The following PPFIBP1 variants were observed in gnomAD, a reference collection of about 807,000 sequenced individuals.
PPFIBP1 encodes liprin-beta-1.
Under a neutral mutation model 137.8 loss-of-function variants are expected in PPFIBP1, and 112 were observed. That is an observed-to-expected ratio of 0.81 (90% CI 0.70 to 0.95). PPFIBP1 has a LOEUF of 0.95. Ranked by LOEUF, PPFIBP1 falls within the 40% of genes least tolerant of loss-of-function variation. The pLI, the probability that PPFIBP1 is intolerant of heterozygous loss-of-function variation, is 0.00. For missense variants in PPFIBP1, 1,083 were observed against 1,196.6 expected, an observed-to-expected ratio of 0.91 and a Z score of 1.40; for synonymous variants, 378 against 417.3, an observed-to-expected ratio of 0.91 and a Z score of 1.15.
At chr12:27,690,253 C>G (rs1427541934) in intron 27 of PPFIBP1, among the ~76,000 whole-genome samples, 2 of 151,974 alleles carry the variant, frequency 1.3e-5, no homozygotes. Flanking sequence ...TACACGGGTA[C>G]TGCTGGACTT....
In PPFIBP1 at chr12:27,532,409, A is replaced by G. The variant is rs116092480; in HGVS notation, c.-124+8044A>G. 6.9e-3 allele frequency among the ~76,000 whole-genome samples: 1,044 copies of G among 152,286 alleles called. 14 individuals are homozygous for G. Among genetic ancestry groups the G allele is most frequent in the African/African-American group, 0.024 (984 of 41,552 alleles). ...TGGTTTACATTTGTCAGTGCATGAA[A>G]AACTGCCAAGTGGGATGGCTTATGG... On this transcript the variant is annotated intron_variant, in intron 1 of 29. Transcript: ENST00000228425.
At chr12:27,655,031 C>T in intron 8 of PPFIBP1, 6 of 1,037,066 alleles carry the variant, frequency 5.8e-6, no homozygotes, top group Non-Finnish European at 8.4e-6. Flanking sequence ...CATAACCTGC[C>T]CTTTCTCTGA....
chr12:27,552,039 T>C (rs966318733), intron 1 of PPFIBP1, among the ~76,000 whole-genome samples: 1 of 152,120 alleles, frequency 6.6e-6, no homozygotes, highest in African/African-American at 2.4e-5. Flanking sequence ...GGGGGATGGG[T>C]TAGATATTCC....
rs572928355 is a variant in PPFIBP1 at position 27,553,941 on chromosome 12, T to C, written c.-123-24211T>C. On this transcript the variant is annotated intron_variant, in intron 1 of 29. Transcript: ENST00000228425. ...AAAGAAGCAGTTTATAAGCAACTCT[T>C]GCTAAGTGCCTTGGGTAAACCTGCT... Among the ~76,000 whole-genome samples the C allele has an allele frequency of 2.3e-4, 35 of 152,370 alleles. 1 individual carries two copies. In the South Asian group the frequency reaches 3.7e-3, roughly 16 times the overall value.
rs184271417 is a variant in PPFIBP1, at chr12:27,648,198, G to C, written c.471+356G>C. Among the ~76,000 whole-genome samples, 57 of 152,124 alleles carry C rather than the reference G, an allele frequency of 3.7e-4. No individual in the cohort carries two copies. The East Asian group carries it at 9.8e-3, about 26-fold the overall frequency. ...TAAAAATGGGTAAAATATTTGAATA[G>C]ACATTTCTCAAAAGAAGACATACAA... On this transcript the variant is annotated intron_variant, in intron 6 of 29. Coordinates refer to ENST00000228425, the MANE Select transcript of PPFIBP1 (RefSeq NM_003622.4).
intron 2 of PPFIBP1, among the ~76,000 whole-genome samples, chr12:27,590,287 G>T (rs781477015): frequency 6.6e-6 from 1 of 151,676 alleles, no homozygotes; most frequent in Non-Finnish European, 1.5e-5. Flanking sequence ...ATGATCCTCC[G>T]GCCTCAGCCT....
At chr12:27,639,505 G>A (rs959411748) in intron 4 of PPFIBP1, among the ~76,000 whole-genome samples, 14 of 152,186 alleles carry the variant, frequency 9.2e-5, no homozygotes, top group African/African-American at 3.1e-4. Context: ...ATCAGGTGGT[G>A]AAATCCCGAA....
In PPFIBP1 at chr12:27,682,500, TAAG is replaced by T. The variant is rs759233067; in HGVS notation, c.2158+6_2158+8del. On this transcript the variant is annotated splice_donor_5th_base_variant and intron_variant, in intron 23 of 29. Coordinates refer to ENST00000228425, the MANE Select transcript of PPFIBP1 (RefSeq NM_003622.4). ...AGCTGGATTTCAACTGGGTCACTAG[TAAG>T]AAGTTTTTATTCTAACAAAATGAAA... 8 of 1,610,604 alleles carry T rather than the reference TAAG, an allele frequency of 5.0e-6. No homozygotes were observed. Among genetic ancestry groups the T allele is most frequent in the Non-Finnish European group, 6.8e-6 (8 of 1,177,290 alleles).
chr12:27,640,674 G>A (rs1387838255), intron 4 of PPFIBP1, among the ~76,000 whole-genome samples: 4 of 151,764 alleles, frequency 2.6e-5, no homozygotes, highest in Admixed American at 6.6e-5. Context: ...TACTGCCACT[G>A]CCTGGTTGCT....
intron 2 of PPFIBP1, among the ~76,000 whole-genome samples, chr12:27,622,930 C>T (rs2056468136): frequency 1.3e-5 from 2 of 152,168 alleles, no homozygotes; most frequent in African/African-American, 2.4e-5. Flanking sequence ...TTTTAGGAGT[C>T]GTGACCCATG....
chr12:27,646,834 G>T (rs1300771475), intron 5 of PPFIBP1, among the ~76,000 whole-genome samples: 1 of 152,122 alleles, frequency 6.6e-6, no homozygotes, highest in Non-Finnish European at 1.5e-5. Context: ...ACTGAGTGAT[G>T]ATTATTGAGG....
intron 2 of PPFIBP1, among the ~76,000 whole-genome samples, chr12:27,624,568 A>G (rs927911157): frequency 6.6e-6 from 1 of 152,086 alleles, no homozygotes; most frequent in African/African-American, 2.4e-5. Context: ...ACCTCATCCT[A>G]TTTTCCCTTG....
intron 1 of PPFIBP1, among the ~76,000 whole-genome samples, chr12:27,576,659 G>A (rs537437946): frequency 6.6e-6 from 1 of 152,266 alleles, no homozygotes; most frequent in Non-Finnish European, 1.5e-5. Flanking sequence ...GACAGGTGGC[G>A]GTTGGATTTT....
chr12:27,605,861 T>C (rs1406747401), intron 2 of PPFIBP1, among the ~76,000 whole-genome samples: 1 of 152,182 alleles, frequency 6.6e-6, no homozygotes, highest in Non-Finnish European at 1.5e-5. Context: ...TCCATCCTTA[T>C]ATTAAAATTA....
intron 13 of PPFIBP1, among the ~76,000 whole-genome samples, chr12:27,667,668 ACT>A (rs1463604640): frequency 7.9e-5 from 12 of 152,246 alleles, no homozygotes; most frequent in African/African-American, 2.6e-4. Flanking sequence ...TTTGCTGATG[ACT>A]CTGCACTTTA....
intron 11 of PPFIBP1, among the ~76,000 whole-genome samples, chr12:27,661,189 G>A (rs1315208820): frequency 6.6e-6 from 1 of 152,124 alleles, no homozygotes; most frequent in Non-Finnish European, 1.5e-5. Context: ...GATCAGTTCC[G>A]CATATTCACG....
intron 28 of PPFIBP1, among the ~76,000 whole-genome samples, chr12:27,692,334 C>A (rs753911388): frequency 6.6e-6 from 1 of 152,130 alleles, no homozygotes; most frequent in African/African-American, 2.4e-5. Flanking sequence ...GTCGTGGGAC[C>A]GCATATTTCC....
intron 2 of PPFIBP1, among the ~76,000 whole-genome samples, chr12:27,595,565 G>A (rs2053113697): frequency 6.6e-6 from 1 of 152,064 alleles, no homozygotes; most frequent in Admixed American, 6.6e-5. Context: ...AAAATATTCT[G>A]TGCCCTAGGC....
intron 2 of PPFIBP1, among the ~76,000 whole-genome samples, chr12:27,630,031 T>C (rs1223115177): frequency 6.6e-6 from 1 of 152,176 alleles, no homozygotes; most frequent in African/African-American, 2.4e-5. Flanking sequence ...TTTTGTTCTA[T>C]AAATTGAATT....
Sources: gnomAD v4.1 joint callset for allele counts (sites outside exome capture counted in the v4.1 genomes callset) on GRCh38, gnomAD v4.1.1 for gene constraint, MANE v1.5 for transcripts, NCBI Gene and HGNC (gene_info 2026-07-23, HGNC 2026-07-21) for gene names.